The following FBN3 variants were observed in gnomAD, a reference collection of about 807,000 sequenced individuals.
FBN3 encodes the protein fibrillin 3.
FBN3 carries 234 observed loss-of-function variants against 330.1 expected under a neutral mutation model. The observed-to-expected ratio is 0.71, with a 90% CI of 0.64 to 0.79. The LOEUF (loss-of-function observed/expected upper bound fraction) is 0.79, where lower values mean the gene tolerates loss of function less well. Ranked by LOEUF, FBN3 falls within the 30% of genes least tolerant of loss-of-function variation. The pLI is 0.00. For synonymous variants in FBN3, 1,458 were observed against 1,517.3 expected (o/e 0.96, Z 0.91); for missense variants, 3,606 against 3,886.9 (o/e 0.93, Z 1.92).
intron 28 of FBN3, 38 bp downstream of exon 28, chr19:8,117,131 T>C (rs2144866213): frequency 1.2e-6 from 2 of 1,612,116 alleles, no homozygotes; most frequent in Admixed American, 3.3e-5. Flanking sequence ...CTCCTCACCC[T>C]CCACACCAGG....
chr19:8,079,312 G>C (rs532622284), intron 59 of FBN3, among the ~76,000 whole-genome samples: 1 of 152,266 alleles, frequency 6.6e-6, no homozygotes, highest in South Asian at 2.1e-4. Flanking sequence ...AAGTACTAGG[G>C]AAGCTGAAGT....
At chr19:8,066,490 TCA>T (rs1568343396) in intron 63 of FBN3, among the ~76,000 whole-genome samples, 1 of 152,154 alleles carries the variant, frequency 6.6e-6, no homozygotes, top group East Asian at 1.9e-4. Flanking sequence ...CGGCATGTTC[TCA>T]GTTATAAGTG....
chr19:8,117,180 C>T lies in FBN3; in HGVS notation c.3575G>A (p.Arg1192Lys). 2 of 1,614,118 alleles carry T rather than the reference C, an allele frequency of 1.2e-6. No individual in the cohort carries two copies. Among genetic ancestry groups the T allele is most frequent in the Non-Finnish European group, 1.7e-6 (2 of 1,179,986 alleles). Residue 1192 changes from arginine (R) to lysine (K), a missense_variant, in exon 28 of 64, where the codon AGG (arginine) becomes AAG (lysine). Transcript: ENST00000600128. ...GQGYSLMPDG[R>K]ACADVDECEE... Reference sequence around the variant, plus strand: ...TTGTGCCCACCTACCTGCACATGCCCTTCCGTCGGGCATCAGCGAGTAGCC... The same window carrying T: ...TTGTGCCCACCTACCTGCACATGCCTTTCCGTCGGGCATCAGCGAGTAGCC...
chr19:8,074,215 T>C (rs556882158), intron 61 of FBN3, among the ~76,000 whole-genome samples: 1 of 151,476 alleles, frequency 6.6e-6, no homozygotes, highest in East Asian at 1.9e-4. Context: ...AGGAAACAAG[T>C]TGAGGAAGAG....
rs148256329 is a variant in FBN3, at chr19:8,096,969, C to T, written c.5325G>A (p.Gln1775=). ...DECGSRESPC[Q]QNADCINIPG... ...GGATGTTGATGCAGTCAGCATTCTG[C>T]TGGCAGGGACTCTCCCTGCTGCCAC... Residue 1775 remains glutamine (Q), a synonymous_variant, in exon 43 of 64, where the codon CAG becomes CAA. Coordinates refer to ENST00000600128, the MANE Select transcript of FBN3 (RefSeq NM_032447.5). The surrounding 1 kb of genome is among the most constrained non-coding windows in gnomAD (Gnocchi z 4.6). The T allele has an allele frequency of 1.2e-5, 20 of 1,613,576 alleles. No homozygotes were observed. The highest frequency in any genetic ancestry group is 1.6e-5 in the Non-Finnish European group (19 of 1,179,994).
At position 8,142,169 on chromosome 19, in the gene FBN3, G is replaced by A. The variant is rs1431725373; in HGVS notation, c.542-32C>T. On this transcript the variant is annotated intron_variant, in intron 6 of 63. Transcript: ENST00000600128. Reference sequence around the variant, plus strand: ...GGCAGACAGATGTGGGTACCTGGCTGAGGGCTGCCCCTGTCTGGAGATCTC... The same window carrying A: ...GGCAGACAGATGTGGGTACCTGGCTAAGGGCTGCCCCTGTCTGGAGATCTC... 8 of 1,560,982 alleles carry A rather than the reference G, an allele frequency of 5.1e-6. No individual in the cohort carries two copies. In the African/African-American group the frequency reaches 5.4e-5, roughly 11 times the overall value.
At chr19:8,126,871 A>T in intron 18 of FBN3, 39 bp from the exon 19 acceptor site, 1 of 1,515,156 alleles carries the variant, frequency 6.6e-7, no homozygotes, top group Non-Finnish European at 8.8e-7. Context: ...GAGCTGCAGG[A>T]GGAGTTGCCT....
chr19:8,147,519 A>C, intron 1 of FBN3, 22 bp from the exon 2 acceptor site: 1 of 1,431,884 alleles, frequency 7.0e-7, no homozygotes, highest in East Asian at 2.5e-5. Context: ...AAGCAGAGTC[A>C]GCCCTAGATG....
At position 8,129,068 on chromosome 19, in the gene FBN3, G is replaced by A. The variant is rs903075579; in HGVS notation, c.2256C>T (p.Pro752=). The change falls in exon 18 of 64, where the codon CCC becomes CCT. Residue 752 remains proline, a synonymous_variant. Transcript: ENST00000600128. This position sits in a 1 kb window ranked among gnomAD's most constrained non-coding sequence, Gnocchi z 4.5. The stretch of plus-strand genomic sequence containing the variant: ...TGTCCTGCCAGAAGTGGAAGCCGGG[G>A]GGGCAGGAGCAGCTGTAGCTGCCAG... ...NSPGSYSCSC[P]PGFHFWQDTE... The A allele has an allele frequency of 3.1e-6, 5 of 1,613,374 alleles. No homozygotes were observed. Among genetic ancestry groups the A allele is most frequent in the African/African-American group, 2.7e-5 (2 of 74,926 alleles).
chr19:8,076,773 G>GT, intron 59 of FBN3, among the ~76,000 whole-genome samples: 1 of 151,994 alleles, frequency 6.6e-6, no homozygotes, highest in East Asian at 1.9e-4. Context: ...GTTAATTTTG[G>GT]TTTTTTTAGA....
chr19:8,088,031 G>A, intron 52 of FBN3, 29 bp downstream of exon 52: 1 of 1,614,108 alleles, frequency 6.2e-7, no homozygotes, highest in South Asian at 1.1e-5. Flanking sequence ...CCGTCACACG[G>A]CCCAGGTCCT....
At chr19:8,088,263 C>T in intron 51 of FBN3, 84 bp from the exon 52 acceptor site, 1 of 1,494,514 alleles carries the variant, frequency 6.7e-7, no homozygotes. Context: ...TGTTGACCAC[C>T]ACAGATCGGA....
At chr19:8,130,355 A>G (rs1367126259) in intron 16 of FBN3, among the ~76,000 whole-genome samples, 2 of 141,540 alleles carry the variant, frequency 1.4e-5, no homozygotes, top group Non-Finnish European at 3.1e-5. Context: ...AAAAAAAAAT[A>G]CAAAAATTAG....
In FBN3 at chr19:8,111,957, C is replaced by A; in HGVS notation, c.3961+20G>T. 6.9e-7 allele frequency: 1 copy of A among 1,454,932 alleles called. No homozygotes were observed. Among genetic ancestry groups the A allele is most frequent in the South Asian group, 1.2e-5 (1 of 85,686 alleles). 90.1% of individuals were successfully genotyped at this position (1,454,932 alleles called of 1,614,324 possible). A position where few individuals can be genotyped will look rare whatever the true frequency, so the allele number is the denominator to read the frequency against. ...CTACCTCTACTGCTTTGCCCCCACT[C>A]CCTGCCCCCAGGTACTCACCGTGAC... On this transcript the variant is annotated intron_variant, in intron 31 of 63. Coordinates refer to ENST00000600128, the MANE Select transcript of FBN3 (RefSeq NM_032447.5).
chr19:8,100,995 G>C, intron 40 of FBN3, 23 bp from the exon 41 acceptor site: 2 of 1,605,500 alleles, frequency 1.2e-6, no homozygotes, highest in Non-Finnish European at 1.7e-6. Flanking sequence ...GAACAAAGCT[G>C]AGTCTGGGGC....
Position 8,087,842 on chromosome 19 carries a change from T to C in FBN3, c.6602A>G (p.Asp2201Gly). ...TCPAGYTLRE[D>G]GAMCRDVDEC... is the part of the protein sequence containing the mutation. Reference sequence around the variant, plus strand: ...AGGCCTACCTCGACACATGGCCCCATCCTCCCGCAGGGTGTAGCCGGCTGG... The same window carrying C: ...AGGCCTACCTCGACACATGGCCCCACCCTCCCGCAGGGTGTAGCCGGCTGG... The change falls in exon 53 of 64, where the codon GAT becomes GGT. Residue 2201 changes from aspartate (D) to glycine (G), a missense_variant. Asp to Gly is a moderately conservative substitution (Grantham distance 94). Coordinates refer to ENST00000600128, the MANE Select transcript of FBN3 (RefSeq NM_032447.5). 6.2e-7 allele frequency: 1 copy of C among 1,614,040 alleles called. No homozygotes were observed. The highest frequency in any genetic ancestry group is 8.5e-7 in the Non-Finnish European group (1 of 1,179,962).
chr19:8,076,862 G>A (rs1271856660), intron 59 of FBN3, among the ~76,000 whole-genome samples: 1 of 152,004 alleles, frequency 6.6e-6, no homozygotes, highest in Non-Finnish European at 1.5e-5. Flanking sequence ...CCTGGGCTCA[G>A]GTGAGCCTCC....
At chr19:8,095,314 CTG>C in intron 46 of FBN3, 59 bp downstream of exon 46, 2 of 1,538,780 alleles carry the variant, frequency 1.3e-6, no homozygotes, top group South Asian at 1.2e-5. Flanking sequence ...AAGTACCAAA[CTG>C]TGGTGTACAT....
chr19:8,097,314 G>A lies in FBN3; in HGVS notation c.5262C>T (p.Tyr1754=), dbSNP rs2082232784. The A allele has an allele frequency of 1.2e-6, 2 of 1,609,860 alleles. No individual in the cohort carries two copies. The highest frequency in any genetic ancestry group is 1.7e-6 in the Non-Finnish European group (2 of 1,177,144). The part of the protein sequence containing the change: ...FRCECPAGFN[Y]NSILLACEDV... ...CTTCACAAGCCAGCAGGATGCTGTT[G>A]TAGTTGAAGCCTGCGGGGCACTCGC... The change falls in exon 42 of 64, where the codon TAC becomes TAT. Residue 1754 remains tyrosine (Y), a synonymous_variant. Transcript: ENST00000600128.
Sources: gnomAD v4.1 joint callset for allele counts (sites outside exome capture counted in the v4.1 genomes callset) on GRCh38, gnomAD v4.1.1 for gene constraint, Gnocchi (gnomAD v3.1) non-coding constraint, MANE v1.5 for transcripts, NCBI Gene and HGNC (gene_info 2026-07-23, HGNC 2026-07-21) for gene names.